The following SEC24D variants were observed in gnomAD, a reference collection of about 807,000 sequenced individuals.
The protein encoded by SEC24D is protein transport protein Sec24D.
In SEC24D, 69 loss-of-function variants were observed where a neutral mutation model predicts 116.9. The observed-to-expected ratio is 0.59, with a 90% CI of 0.49 to 0.72. The LOEUF is 0.72. Ranked by LOEUF, SEC24D falls within the 30% of genes least tolerant of loss-of-function variation. The probability of loss-of-function intolerance (pLI) is 0.00; values close to 1 mark genes in which losing one functional copy is unlikely to be tolerated. For missense variants in SEC24D, 1,131 were observed against 1,264.1 expected, an observed-to-expected ratio of 0.89 and a Z score of 1.60; for synonymous variants, 405 against 442.8, an observed-to-expected ratio of 0.91 and a Z score of 1.07.
At chr4:118,761,882 T>A (rs1007901248) in intron 10 of SEC24D, among the ~76,000 whole-genome samples, 2 of 152,234 alleles carry the variant, frequency 1.3e-5, no homozygotes, top group South Asian at 4.1e-4. Context: ...TACGGCACTA[T>A]GATTGTTCTA....
chr4:118,764,944 A>ATTTTCTTTCC, intron 9 of SEC24D, 27 bp from the exon 10 acceptor site: 2 of 1,297,030 alleles, frequency 1.5e-6, no homozygotes, highest in Non-Finnish European at 2.2e-6. Context: ...AGGAAAGAAA[A>ATTTTCTTTCC]TATTTTGTTT....
intron 21 of SEC24D, 31 bp from the exon 22 acceptor site, chr4:118,728,681 C>G (rs1205208875): frequency 7.9e-7 from 1 of 1,258,566 alleles, no homozygotes; most frequent in South Asian, 1.3e-5. Context: ...AGTTTTAGTA[C>G]AGTTTATAAC....
intron 2 of SEC24D, among the ~76,000 whole-genome samples, chr4:118,831,259 C>T (rs779169776): frequency 2.6e-5 from 4 of 152,160 alleles, no homozygotes; most frequent in Non-Finnish European, 5.9e-5. Flanking sequence ...AAACTCCGGG[C>T]CTCAAGTGAT....
chr4:118,737,597 C>T lies in SEC24D; in HGVS notation c.2496+664G>A, dbSNP rs146008606. 8.7e-3 allele frequency among the ~76,000 whole-genome samples: 1,321 copies of T among 152,198 alleles called. 9 individuals carry two copies. Among genetic ancestry groups the T allele is most frequent in the Middle Eastern group, 0.017 (5 of 294 alleles). On this transcript the variant is annotated intron_variant, in intron 19 of 22. Coordinates refer to ENST00000280551, the MANE Select transcript of SEC24D (RefSeq NM_014822.4). The stretch of plus-strand genomic sequence containing the variant: ...GAATTCTATATTCACATATTTGATA[C>T]ACAGCTATAAAAAATGCCATCTAAC...
intron 9 of SEC24D, among the ~76,000 whole-genome samples, chr4:118,765,578 T>C (rs969302614): frequency 3.3e-5 from 5 of 152,256 alleles, no homozygotes; most frequent in African/African-American, 1.2e-4. Flanking sequence ...TATGGCCTGG[T>C]ATCTCTGTAA....
At chr4:118,772,526 A>G (rs1468755479) in intron 8 of SEC24D, among the ~76,000 whole-genome samples, 2 of 152,198 alleles carry the variant, frequency 1.3e-5, no homozygotes, top group Admixed American at 6.5e-5. Flanking sequence ...GCCAAGAAAA[A>G]CTTATTTTTA....
chr4:118,736,785 A>G (rs1725984749), intron 19 of SEC24D, among the ~76,000 whole-genome samples: 1 of 152,228 alleles, frequency 6.6e-6, no homozygotes, highest in East Asian at 1.9e-4. Flanking sequence ...TCATTATAAG[A>G]ACAGGAATAA....
intron 8 of SEC24D, among the ~76,000 whole-genome samples, chr4:118,770,188 A>G (rs931090780): frequency 1.3e-5 from 2 of 152,216 alleles, no homozygotes; most frequent in Non-Finnish European, 2.9e-5. Flanking sequence ...ACATACTCAC[A>G]CATACAAATT....
chr4:118,833,631 A>C lies in SEC24D; in HGVS notation c.66T>G (p.Ser22=). 1 of 1,614,128 alleles carries C rather than the reference A, an allele frequency of 6.2e-7. No homozygotes were observed. The highest frequency in any genetic ancestry group is 8.5e-7 in the Non-Finnish European group (1 of 1,179,996). ...YSQPQPGIGL[S]PPHYGHYGDP... is the part of the protein sequence containing the mutation. ...CCCCATAGTGCCCATAATGAGGTGG[A>C]GAAAGGCCTATTCCAGGCTGAGGCT... The change falls in exon 2 of 23, where the codon TCT becomes TCG. Residue 22 remains serine, a synonymous_variant. Transcript: ENST00000280551.
intron 8 of SEC24D, among the ~76,000 whole-genome samples, chr4:118,772,147 A>T (rs2110477202): frequency 6.6e-6 from 1 of 152,320 alleles, no homozygotes; most frequent in East Asian, 1.9e-4. Context: ...TTATTAAGAA[A>T]AATCTGAATA....
At chr4:118,810,137 T>TGTGTGTGG (rs56961502) in intron 6 of SEC24D, among the ~76,000 whole-genome samples, 4,268 of 104,268 alleles carry the variant, frequency 0.041, 364 homozygotes, top group East Asian at 0.053. Context: ...TGTGTGTGTG[T>TGTGTGTGG]CAGAGGGTAT....
chr4:118,755,557 A>G (rs1411234636), intron 11 of SEC24D, among the ~76,000 whole-genome samples: 1 of 152,118 alleles, frequency 6.6e-6, no homozygotes, highest in Non-Finnish European at 1.5e-5. Context: ...GAGAAGTCAG[A>G]AAAGTCTGGC....
chr4:118,727,401 G>A (rs1030096193), intron 22 of SEC24D, among the ~76,000 whole-genome samples: 1 of 152,146 alleles, frequency 6.6e-6, no homozygotes, highest in African/African-American at 2.4e-5. Flanking sequence ...TGGAACAGGT[G>A]GGAGAAAGCA....
rs148749647 is a variant in SEC24D, at chr4:118,779,054, A to C, written c.1042-10743T>G. On this transcript the variant is annotated intron_variant, in intron 8 of 22. Coordinates refer to ENST00000280551, the MANE Select transcript of SEC24D (RefSeq NM_014822.4). ...ACAATCATGTCATCTGCAAACAGGG[A>C]CAATTTGACTTCCTCTTTTCCTAAT... Among the ~76,000 whole-genome samples the C allele has an allele frequency of 7.4e-3, 1,127 of 152,290 alleles. 16 individuals are homozygous for C. The highest frequency in any genetic ancestry group is 0.025 in the African/African-American group (1,039 of 41,552).
At chr4:118,817,447 C>A (rs1348381738) in intron 3 of SEC24D, 35 bp from the exon 4 acceptor site, 1 of 1,580,936 alleles carries the variant, frequency 6.3e-7, no homozygotes, top group Admixed American at 1.8e-5. Flanking sequence ...AACAATATCA[C>A]AGCGTCTCAA....
intron 7 of SEC24D, among the ~76,000 whole-genome samples, chr4:118,798,435 C>T (rs1003889902): frequency 2.6e-5 from 4 of 151,980 alleles, no homozygotes; most frequent in South Asian, 2.1e-4. Flanking sequence ...ATGGCATATC[C>T]GAGTGTTAAA....
intron 2 of SEC24D, among the ~76,000 whole-genome samples, chr4:118,825,899 C>G (rs554799857): frequency 6.6e-6 from 1 of 152,182 alleles, no homozygotes; most frequent in East Asian, 1.9e-4. Flanking sequence ...AAAGTTTATT[C>G]TCTCAGATAG....
chr4:118,797,827 G>T lies in SEC24D; in HGVS notation c.914-17C>A. On this transcript the variant is annotated splice_polypyrimidine_tract_variant and intron_variant, in intron 7 of 22. Transcript: ENST00000280551. ...TGGCATTTCCTGAAACATTCAAAAG[G>T]ATACACTTAAAACTTGTTTAGAAAA... The T allele has an allele frequency of 1.3e-6, 2 of 1,568,496 alleles. No homozygotes were observed. Among genetic ancestry groups the T allele is most frequent in the South Asian group, 1.2e-5 (1 of 83,780 alleles).
chr4:118,835,023 A>T lies in SEC24D; in HGVS notation c.-42+918T>A, dbSNP rs962351414. On this transcript the variant is annotated intron_variant, in intron 1 of 22. Transcript: ENST00000280551. ...CCTTCTCCTGGGAAGGGGAGAACTG[A>T]AAAAGAGGAGAGAGGCAGGCAAAGG... is the stretch of plus-strand genomic sequence containing the variant. Among the ~76,000 whole-genome samples, 4 of 152,208 alleles carry T rather than the reference A, an allele frequency of 2.6e-5. No homozygotes were observed. The South Asian group carries it at 8.3e-4, about 31-fold the overall frequency.
Sources: allele counts gnomAD v4.1 joint callset (sites outside exome capture counted in the v4.1 genomes callset), GRCh38; gene constraint gnomAD v4.1.1; transcripts MANE v1.5; gene names NCBI Gene and HGNC (gene_info 2026-07-23, HGNC 2026-07-21).